Variants in ZNF536 observed in about 807,000 individuals in gnomAD.
ZNF536 encodes zinc finger protein 536.
Under a neutral mutation model 84.5 loss-of-function variants are expected in ZNF536, and 13 were observed. That is an observed-to-expected ratio of 0.15 (90% CI 0.10 to 0.24). ZNF536 has a LOEUF of 0.24. Ranked by LOEUF, ZNF536 falls within the 10% of genes least tolerant of loss-of-function variation. The pLI is 1.00. For missense variants in ZNF536, 1,536 were observed against 1,747.5 expected, an observed-to-expected ratio of 0.88 and a Z score of 2.16; for synonymous variants, 811 against 742.5, an observed-to-expected ratio of 1.09 and a Z score of -1.50.
intron 1 of ZNF536, among the ~76,000 whole-genome samples, chr19:30,693,333 T>C (rs547265393): frequency 1.1e-3 from 170 of 152,348 alleles, no homozygotes; most frequent in African/African-American, 3.9e-3. Flanking sequence ...GTGAGGTTTT[T>C]TTCCCCCTCC....
At chr19:30,369,115 T>C (rs1214433029), upstream of ZNF536, among the ~76,000 whole-genome samples, 2 of 152,206 alleles carry the variant, frequency 1.3e-5, no homozygotes, top group Non-Finnish European at 2.9e-5. Flanking sequence ...ACTGAGGTGC[T>C]TATGTGCACT....
chr19:30,614,942 A>ATTTTTTTTTTTTTTTTTTTTTTTTTTTTT lies in ZNF536; in HGVS notation c.169+65450_169+65451insTTTTTTTTTTTTTTTTTTTTTTTTTTTTT. ...TTTTCTTTTATTCTCCCCCTTTTCA[A>ATTTTTTTTTTTTTTTTTTTTTTTTTTTTT]TTTTTTTTTTTTTTTTTTTTTTGAG... On this transcript the variant is annotated intron_variant, in intron 1 of 1. Coordinates refer to the ZNF536 transcript ENST00000592773. Among the ~76,000 whole-genome samples the ATTTTTTTTTTTTTTTTTTTTTTTTTTTTT allele has an allele frequency of 4.3e-4, 14 of 32,306 alleles. 2 individuals carry two copies. Among genetic ancestry groups the ATTTTTTTTTTTTTTTTTTTTTTTTTTTTT allele is most frequent in the Admixed American group, 8.8e-4 (3 of 3,410 alleles). The allele number at this position is 32,306 out of a possible 152,430, so 21.2% of individuals were successfully genotyped here.
intron 2 of ZNF536, among the ~76,000 whole-genome samples, chr19:30,321,462 G>T (rs2046852985): frequency 1.3e-5 from 2 of 152,176 alleles, no homozygotes; most frequent in Non-Finnish European, 2.9e-5. Flanking sequence ...GGGGACTGAG[G>T]CAGGAGAGTC....
At chr19:30,687,925 T>A (rs781453093) in intron 1 of ZNF536, among the ~76,000 whole-genome samples, 3 of 151,946 alleles carry the variant, frequency 2.0e-5, no homozygotes, top group Non-Finnish European at 4.4e-5. Context: ...CTTAATGCAC[T>A]GGGCAAAAGA....
At chr19:30,524,406 GAC>G (rs2044492008) in intron 2 of ZNF536, among the ~76,000 whole-genome samples, 1 of 152,178 alleles carries the variant, frequency 6.6e-6, no homozygotes, top group African/African-American at 2.4e-5. Context: ...TAAAGAGAAA[GAC>G]ACAGGCCAGC....
At chr19:30,356,724 G>A (rs576180947) in intron 3 of ZNF536, among the ~76,000 whole-genome samples, 6 of 152,258 alleles carry the variant, frequency 3.9e-5, no homozygotes, top group African/African-American at 1.4e-4. Flanking sequence ...ACTCTAGAGA[G>A]AAGATAGAGT....
chr19:30,308,981 C>T (rs2046419742), intron 2 of ZNF536, among the ~76,000 whole-genome samples: 1 of 152,138 alleles, frequency 6.6e-6, no homozygotes, highest in Non-Finnish European at 1.5e-5. Flanking sequence ...CTTAACCACA[C>T]TTGGCAAGAT....
At chr19:30,567,809 C>T (rs1346449782) in intron 1 of ZNF536, among the ~76,000 whole-genome samples, 1 of 152,192 alleles carries the variant, frequency 6.6e-6, no homozygotes, top group African/African-American at 2.4e-5. Context: ...AGCCGCTTCA[C>T]ATGTGCCCAA....
rs2052247228 is a variant in ZNF536, at chr19:30,444,972, G to C, written c.1410G>C (p.Leu470=). ...AGAAGGAAGCGCTGGGGAAGCTGCT[G>C]TCTCCCATCTCCAGCATGGCCCACG... The part of the protein sequence containing the change: ...MKEKEALGKL[L]SPISSMAHGV... The change falls in exon 2 of 5, where the codon CTG becomes CTC. Residue 470 remains leucine (L), a synonymous_variant. Transcript: ENST00000355537. 1 of 1,611,578 alleles carries C rather than the reference G, an allele frequency of 6.2e-7. No homozygotes were observed. The highest frequency in any genetic ancestry group is 1.3e-5 in the African/African-American group (1 of 74,902).
At chr19:30,235,461 G>C (rs1301059476) in intron 1 of ZNF536, among the ~76,000 whole-genome samples, 3 of 152,164 alleles carry the variant, frequency 2.0e-5, no homozygotes, top group African/African-American at 7.2e-5. Context: ...TTGTGAATTT[G>C]TTATTAAGAG....
chr19:30,445,883 T>TC lies in ZNF536; in HGVS notation c.2170+158dup, dbSNP rs557412714. 2.8e-4 allele frequency: 309 copies of TC among 1,102,366 alleles called. 2 individuals carry two copies. The African/African-American group carries it at 3.5e-3, about 13-fold the overall frequency. The allele number at this position is 1,102,366 out of a possible 1,614,324, so 68.3% of individuals were successfully genotyped here. On this transcript the variant is annotated intron_variant, in intron 2 of 4. Transcript: ENST00000355537. The surrounding 1 kb of genome is among the most constrained non-coding windows in gnomAD (Gnocchi z 4.5). ...TTGGACACTGGGCCATGCCTTTCTT[T>TC]CCCCCCCTGACTGGAGGGAAAGGGC...
At chr19:30,369,932 T>G (rs1163461889), upstream of ZNF536, among the ~76,000 whole-genome samples, 19 of 152,172 alleles carry the variant, frequency 1.2e-4, no homozygotes, top group Admixed American at 9.8e-4. Flanking sequence ...AGCTAGCTCC[T>G]GGATCCAATT....
chr19:30,552,134 AG>A (rs1439943181), intron 4 of ZNF536, among the ~76,000 whole-genome samples: 12 of 152,208 alleles, frequency 7.9e-5, no homozygotes, highest in Admixed American at 7.9e-4. Flanking sequence ...TCCCTTTGCA[AG>A]GGTAGAAGTG....
chr19:30,297,221 C>G (rs1440010895), intron 2 of ZNF536, among the ~76,000 whole-genome samples: 1 of 152,222 alleles, frequency 6.6e-6, no homozygotes, highest in African/African-American at 2.4e-5. Flanking sequence ...GGCCTGGAAA[C>G]TACTGTGATC....
At chr19:30,695,789 C>T (rs1416603736) in intron 1 of ZNF536, among the ~76,000 whole-genome samples, 2 of 152,052 alleles carry the variant, frequency 1.3e-5, no homozygotes, top group African/African-American at 4.8e-5. Flanking sequence ...GGACTATTGA[C>T]CCAGTGGACT....
Position 30,469,626 on chromosome 19 carries a change from C to T in ZNF536, c.2170+23894C>T, listed in dbSNP as rs186022474. On this transcript the variant is annotated intron_variant, in intron 2 of 4. Coordinates refer to ENST00000355537, the MANE Select transcript of ZNF536 (RefSeq NM_014717.3). ...TCCCCAAAGGGTATTTGGTAGTTCT[C>T]AATTAATGGAATGAAGCCATGCACA... Among the ~76,000 whole-genome samples, 3 of 152,314 alleles carry T rather than the reference C, an allele frequency of 2.0e-5. No individual in the cohort carries two copies. In the East Asian group the frequency reaches 5.8e-4, roughly 29 times the overall value.
In ZNF536 at chr19:30,540,251, ATTC is replaced by A. The variant is rs372321371; in HGVS notation, c.2323+5255_2323+5257del. On this transcript the variant is annotated intron_variant, in intron 3 of 4. Coordinates refer to ENST00000355537, the MANE Select transcript of ZNF536 (RefSeq NM_014717.3). ...GGATGCTGGCTGGGCTCTCACCTGT[ATTC>A]TTGTCCCTTTCCTATAGGACCAAGG... is the stretch of plus-strand genomic sequence containing the variant. Among the ~76,000 whole-genome samples, 260 of 152,198 alleles carry A rather than the reference ATTC, an allele frequency of 1.7e-3. 4 individuals carry two copies. The highest frequency in any genetic ancestry group is 6.0e-3 in the African/African-American group (250 of 41,508).
intron 2 of ZNF536, among the ~76,000 whole-genome samples, chr19:30,529,792 C>A (rs1420734932): frequency 6.6e-6 from 1 of 152,166 alleles, no homozygotes; most frequent in East Asian, 1.9e-4. Context: ...GCTTTTGATG[C>A]CTACTTCAAC....
At chr19:30,395,783 CTT>C (rs1160623710) in intron 1 of ZNF536, among the ~76,000 whole-genome samples, 1 of 152,160 alleles carries the variant, frequency 6.6e-6, no homozygotes, top group African/African-American at 2.4e-5. Context: ...GAATATAAGA[CTT>C]ATGATAACTA....
Sources: gnomAD v4.1 joint callset for allele counts (sites outside exome capture counted in the v4.1 genomes callset) on GRCh38, gnomAD v4.1.1 for gene constraint, Gnocchi (gnomAD v3.1) non-coding constraint, MANE v1.5 for transcripts, NCBI Gene and HGNC (gene_info 2026-07-23, HGNC 2026-07-21) for gene names.